The following SYTL2 variants were observed in gnomAD, a reference collection of about 807,000 sequenced individuals.
SYTL2 encodes the protein synaptotagmin-like protein 2.
In SYTL2, 165 loss-of-function variants were observed where a neutral mutation model predicts 198.7. The observed-to-expected ratio is 0.83, with a 90% confidence interval of 0.73 to 0.94. The LOEUF (loss-of-function observed/expected upper bound fraction) is 0.94, where lower values mean the gene tolerates loss of function less well. Ranked by LOEUF, SYTL2 falls within the 40% of genes least tolerant of loss-of-function variation. The pLI is 0.00. For missense variants in SYTL2, 2,835 were observed against 2,582.8 expected (o/e 1.10, Z -2.12); for synonymous variants, 966 against 917.7 (o/e 1.05, Z -0.95).
At chr11:85,841,165 A>C in the SYTL2 span, among the ~76,000 whole-genome samples, 1 of 152,214 alleles carries the variant, frequency 6.6e-6, no homozygotes, top group African/African-American at 2.4e-5. Flanking sequence ...CTAAAAAGTC[A>C]AAAAATAGAT....
At chr11:85,756,948 C>T (rs1367391744) in intron 2 of SYTL2, among the ~76,000 whole-genome samples, 2 of 152,218 alleles carry the variant, frequency 1.3e-5, no homozygotes, top group African/African-American at 4.8e-5. Flanking sequence ...CCCAAGATTA[C>T]ACAGGCAGTA....
At chr11:85,848,339 T>C in the SYTL2 span, among the ~76,000 whole-genome samples, 93 of 152,232 alleles carry the variant, frequency 6.1e-4, 1 homozygote, top group African/African-American at 2.2e-3. Flanking sequence ...AAGTTCTTTT[T>C]TTCTTTTTTG....
chr11:85,787,517 T>C (rs1008967460), intron 1 of SYTL2, among the ~76,000 whole-genome samples: 44 of 152,028 alleles, frequency 2.9e-4, no homozygotes, highest in African/African-American at 9.4e-4. Context: ...AAAGTAAATG[T>C]AGATAGAGGA....
intron 6 of SYTL2, among the ~76,000 whole-genome samples, chr11:85,735,068 T>C (rs2090199037): frequency 6.6e-6 from 1 of 152,212 alleles, no homozygotes; most frequent in African/African-American, 2.4e-5. Flanking sequence ...GATGTCTCAA[T>C]GTGGTTCATC....
chr11:85,700,652 A>G, intron 16 of SYTL2, 59 bp from the exon 17 acceptor site: 2 of 1,270,626 alleles, frequency 1.6e-6, no homozygotes, highest in Non-Finnish European at 2.3e-6. Flanking sequence ...GTTTGTTGGT[A>G]TAGGTCTCAT....
intron 1 of SYTL2, among the ~76,000 whole-genome samples, chr11:85,758,964 G>A (rs1424634073): frequency 6.6e-6 from 1 of 152,168 alleles, no homozygotes; most frequent in East Asian, 1.9e-4. Flanking sequence ...TTTAAAGCAG[G>A]CTGGGTGCAG....
intron 2 of SYTL2, 147 bp downstream of exon 2, chr11:85,757,478 G>T: frequency 4.6e-6 from 4 of 864,416 alleles, no homozygotes; most frequent in Non-Finnish European, 7.2e-6. Context: ...AAAATGTTTT[G>T]TCCAGGAAGT....
chr11:85,767,027 C>T (rs1411106401), intron 1 of SYTL2, among the ~76,000 whole-genome samples: 1 of 152,206 alleles, frequency 6.6e-6, no homozygotes, highest in African/African-American at 2.4e-5. Flanking sequence ...AAGCTGATGT[C>T]CAGCAATCTG....
chr11:85,712,527 C>T (rs2086483083), intron 12 of SYTL2, among the ~76,000 whole-genome samples: 1 of 152,124 alleles, frequency 6.6e-6, no homozygotes, highest in Non-Finnish European at 1.5e-5. Context: ...CCTAGTTCAA[C>T]CCTATACCCC....
In SYTL2 at chr11:85,725,650, G is replaced by A. The variant is rs761963494; in HGVS notation, c.3708C>T (p.Ile1236=). 6.2e-7 allele frequency: 1 copy of A among 1,614,098 alleles called. No homozygotes were observed. Among genetic ancestry groups the A allele is most frequent in the South Asian group, 1.1e-5 (1 of 91,082 alleles). The change falls in exon 8 of 20, where the codon ATC becomes ATT. Residue 1236 remains isoleucine (I), a synonymous_variant. Coordinates refer to ENST00000359152, the MANE Select transcript of SYTL2 (RefSeq NM_206927.4). ...SPLQAKLAPV[I]TGTNSKLEEG... ...CTTCCAGCTTAGAGTTGGTTCCAGT[G>A]ATAACAGGCGCCAACTTGGCTTGCA...
the SYTL2 span, among the ~76,000 whole-genome samples, chr11:85,842,632 G>C: frequency 6.6e-6 from 1 of 152,136 alleles, no homozygotes; most frequent in East Asian, 1.9e-4. Flanking sequence ...GGTGTTTTTG[G>C]GGGAACCCAA....
chr11:85,816,355 AT>A, the SYTL2 span, among the ~76,000 whole-genome samples: 1 of 152,184 alleles, frequency 6.6e-6, no homozygotes, highest in Admixed American at 6.5e-5. Flanking sequence ...AGATTTTGTT[AT>A]TTTGTTTAAT....
chr11:85,741,746 T>C (rs2153511435), intron 4 of SYTL2, among the ~76,000 whole-genome samples: 1 of 152,262 alleles, frequency 6.6e-6, no homozygotes, highest in Non-Finnish European at 1.5e-5. Context: ...AATTAATATC[T>C]ACGAAAGACT....
chr11:85,836,156 G>A, the SYTL2 span, among the ~76,000 whole-genome samples: 4 of 152,076 alleles, frequency 2.6e-5, no homozygotes, highest in Non-Finnish European at 5.9e-5. Context: ...ATCTTCCATG[G>A]TATTGGTACC....
intron 1 of SYTL2, among the ~76,000 whole-genome samples, chr11:85,760,592 A>C (rs574459878): frequency 1.3e-5 from 2 of 152,196 alleles, no homozygotes; most frequent in Non-Finnish European, 2.9e-5. Flanking sequence ...CAGGTTCCCA[A>C]TGAGGTCTTA....
chr11:85,812,720 G>A (rs755917861), upstream of SYTL2, among the ~76,000 whole-genome samples: 5 of 152,120 alleles, frequency 3.3e-5, no homozygotes, highest in Non-Finnish European at 5.9e-5. Flanking sequence ...CATATGTCAC[G>A]GCTATTGCAC....
intron 13 of SYTL2, 151 bp downstream of exon 13, chr11:85,710,962 G>T: frequency 2.8e-6 from 2 of 725,366 alleles, no homozygotes; most frequent in Non-Finnish European, 2.1e-6. Context: ...AAAAAAGATA[G>T]ATGTAGCTAG....
At chr11:85,713,468 C>T (rs1190577672) in intron 12 of SYTL2, among the ~76,000 whole-genome samples, 14 of 152,106 alleles carry the variant, frequency 9.2e-5, no homozygotes, top group Admixed American at 9.2e-4. Context: ...TGAATGTGTC[C>T]ATGATCACAC....
intron 11 of SYTL2, chr11:85,717,024 G>A (rs1338583066): frequency 6.5e-6 from 1 of 152,722 alleles, no homozygotes; most frequent in Non-Finnish European, 1.5e-5. Context: ...TGCTTTTATG[G>A]ATATGGAGAG....
Sources: gnomAD v4.1 joint callset for allele counts (sites outside exome capture counted in the v4.1 genomes callset) on GRCh38, gnomAD v4.1.1 for gene constraint, MANE v1.5 for transcripts, NCBI Gene and HGNC (gene_info 2026-07-23, HGNC 2026-07-21) for gene names.